MCPH1: variants seen among roughly 807,000 people sequenced by gnomAD.
MCPH1 encodes the protein microcephalin 1.
MCPH1 carries 104 observed loss-of-function variants against 84.5 expected under a neutral mutation model. The observed-to-expected ratio is 1.23, with a 90% CI of 1.05 to 1.45. MCPH1 has a LOEUF of 1.45. Ranked by LOEUF, MCPH1 falls within the 40% of genes most tolerant of loss-of-function variation. MCPH1 has a pLI of 0.00. For missense variants in MCPH1, 1,498 were observed against 1,005.7 expected (o/e 1.49, Z -6.62); for synonymous variants, 514 against 366.8 (o/e 1.40, Z -4.58).
In MCPH1 at chr8:6,435,208, A is replaced by T. The variant is rs546610378; in HGVS notation, c.322-840A>T. Among the ~76,000 whole-genome samples, 226 of 152,314 alleles carry T rather than the reference A, an allele frequency of 1.5e-3. 1 individual carries two copies. Among genetic ancestry groups the T allele is most frequent in the Middle Eastern group, 3.4e-3 (1 of 294 alleles). On this transcript the variant is annotated intron_variant, in intron 4 of 13. Transcript: ENST00000344683. ...GGTTCTTTTCTTTGGTAATTATAAA[A>T]TAGAAATTGTTTTATTACTGTGTTG...
intron 11 of MCPH1, among the ~76,000 whole-genome samples, chr8:6,492,667 A>C (rs887342914): frequency 2.7e-5 from 4 of 147,882 alleles, no homozygotes; most frequent in African/African-American, 9.8e-5. Context: ...AGTTAATATT[A>C]AATTTTTAGA....
chr8:6,566,476 G>A (rs1039444694), intron 12 of MCPH1, among the ~76,000 whole-genome samples: 3 of 152,182 alleles, frequency 2.0e-5, no homozygotes, highest in Non-Finnish European at 2.9e-5. Context: ...GCCGTGCAGC[G>A]ACCGTGTGTG....
intron 12 of MCPH1, among the ~76,000 whole-genome samples, chr8:6,504,579 A>C (rs951536028): frequency 6.6e-6 from 1 of 152,156 alleles, no homozygotes; most frequent in South Asian, 2.1e-4. Flanking sequence ...TGCAAGAGTG[A>C]TGATGCTGGC....
In MCPH1 at chr8:6,647,551, T is replaced by C. The variant is rs1030093503; in HGVS notation, c.*4502T>C. 2.0e-5 allele frequency: 3 copies of C among 152,064 alleles called. No homozygotes were observed. Among genetic ancestry groups the C allele is most frequent in the African/African-American group, 4.8e-5 (2 of 41,368 alleles). 9.4% of individuals were successfully genotyped at this position (152,064 alleles called of 1,614,324 possible). A position where few individuals can be genotyped will look rare whatever the true frequency, so the allele number is the denominator to read the frequency against. On this transcript the variant is annotated 3_prime_UTR_variant, in exon 14 of 14. Transcript: ENST00000344683. Reference sequence around the variant, plus strand: ...GAAAAGTAGATAAACAAAATGTATATCCACACCATGGAACGCTACTCAGCA... The same window carrying C: ...GAAAAGTAGATAAACAAAATGTATACCCACACCATGGAACGCTACTCAGCA...
chr8:6,503,351 C>T, intron 12 of MCPH1: 3 of 1,392,968 alleles, frequency 2.2e-6, no homozygotes, highest in South Asian at 1.3e-5. Flanking sequence ...GCAGGAGGCA[C>T]ACTGCAGGCG....
chr8:6,483,388 C>G lies in MCPH1; in HGVS notation c.2136+2512C>G, dbSNP rs930471109. ...CCAAAACAATTTAGAAAGGAAAGAA[C>G]AAGGAGGAGGACTGGCACTACCTGC... On this transcript the variant is annotated intron_variant, in intron 11 of 13. Coordinates refer to ENST00000344683, the MANE Select transcript of MCPH1 (RefSeq NM_024596.5). 2.0e-5 allele frequency among the ~76,000 whole-genome samples: 3 copies of G among 152,132 alleles called. No individual in the cohort carries two copies. The South Asian group carries it at 6.2e-4, about 31-fold the overall frequency.
In MCPH1 at chr8:6,527,739, C is replaced by A. The variant is rs909700963; in HGVS notation, c.2214+27810C>A. The A allele has an allele frequency of 2.8e-6, 4 of 1,444,920 alleles. No homozygotes were observed. The African/African-American group carries it at 5.8e-5, about 21-fold the overall frequency. 89.5% of individuals were successfully genotyped at this position (1,444,920 alleles called of 1,614,324 possible). On this transcript the variant is annotated intron_variant, in intron 12 of 13. Coordinates refer to ENST00000344683, the MANE Select transcript of MCPH1 (RefSeq NM_024596.5). Reference sequence around the variant, plus strand: ...TTAATTAGTTTAACTTTCTAACTTCCTTTTCATTAAAGTACCCAAGCTACA... The same window carrying A: ...TTAATTAGTTTAACTTTCTAACTTCATTTTCATTAAAGTACCCAAGCTACA...
intron 12 of MCPH1, chr8:6,621,097 T>G: frequency 2.8e-6 from 1 of 354,782 alleles, no homozygotes; most frequent in South Asian, 2.4e-5. Context: ...TGCCGTCACT[T>G]GCACACGTCA....
intron 13 of MCPH1, among the ~76,000 whole-genome samples, chr8:6,636,721 A>G (rs941260435): frequency 2.7e-4 from 41 of 152,220 alleles, no homozygotes; most frequent in Admixed American, 1.8e-3. Context: ...GATGCAGATG[A>G]AACATAAATG....
At chr8:6,545,123 G>C (rs1822335003) in intron 12 of MCPH1, among the ~76,000 whole-genome samples, 1 of 152,030 alleles carries the variant, frequency 6.6e-6, no homozygotes, top group Admixed American at 6.6e-5. Flanking sequence ...TGAAGCTCAA[G>C]AATGGACCGA....
intron 12 of MCPH1, among the ~76,000 whole-genome samples, chr8:6,561,116 A>C (rs1267216422): frequency 1.3e-5 from 2 of 152,242 alleles, no homozygotes; most frequent in Admixed American, 6.5e-5. Flanking sequence ...ACATATTTCA[A>C]CCTGTGTTGC....
At chr8:6,614,975 C>T (rs998323800) in intron 12 of MCPH1, among the ~76,000 whole-genome samples, 4 of 152,032 alleles carry the variant, frequency 2.6e-5, no homozygotes, top group African/African-American at 9.7e-5. Flanking sequence ...AGCCTCCTAA[C>T]ACACGGATCC....
At chr8:6,640,093 TGTGTGCGCGC>T (rs1563228037) in intron 13 of MCPH1, among the ~76,000 whole-genome samples, 1 of 141,702 alleles carries the variant, frequency 7.1e-6, no homozygotes, top group African/African-American at 2.7e-5. Flanking sequence ...TGTGTGTGTG[TGTGTGCGCGC>T]GCGTGTGTGT....
intron 8 of MCPH1, chr8:6,445,888 T>C (rs2916750): frequency 6.7e-6 from 7 of 1,038,710 alleles, no homozygotes; most frequent in Non-Finnish European, 8.1e-6. Flanking sequence ...CTGCAGCGTG[T>C]GTAAAGATGT....
intron 12 of MCPH1, among the ~76,000 whole-genome samples, chr8:6,617,415 AT>A (rs1425302719): frequency 4.0e-5 from 6 of 151,360 alleles, no homozygotes; most frequent in African/African-American, 1.5e-4. Flanking sequence ...AAAAGTTATG[AT>A]TTTTAAAAAA....
chr8:6,542,753 G>A (rs924087550), intron 12 of MCPH1, among the ~76,000 whole-genome samples: 3 of 152,242 alleles, frequency 2.0e-5, no homozygotes, highest in African/African-American at 7.2e-5. Context: ...AATACTGGGT[G>A]GAGCTCTGTG....
intron 12 of MCPH1, among the ~76,000 whole-genome samples, chr8:6,530,712 G>A (rs1819332824): frequency 6.6e-6 from 1 of 152,030 alleles, no homozygotes; most frequent in African/African-American, 2.4e-5. Flanking sequence ...GTGATATTGT[G>A]GAAAGACCTG....
chr8:6,478,500 C>G (rs1051046575), intron 10 of MCPH1, among the ~76,000 whole-genome samples: 4 of 152,136 alleles, frequency 2.6e-5, no homozygotes, highest in Admixed American at 6.5e-5. Context: ...CTTATTTTCT[C>G]ATTCAAGATT....
chr8:6,425,941 C>A (rs182083438), intron 3 of MCPH1, among the ~76,000 whole-genome samples: 5 of 152,166 alleles, frequency 3.3e-5, no homozygotes, highest in Non-Finnish European at 7.3e-5. Flanking sequence ...CAGCCACCCC[C>A]CTTTTGCTGT....
Sources: gnomAD v4.1 joint callset for allele counts (sites outside exome capture counted in the v4.1 genomes callset) on GRCh38, gnomAD v4.1.1 for gene constraint, MANE v1.5 for transcripts, NCBI Gene and HGNC (gene_info 2026-07-23, HGNC 2026-07-21) for gene names.